RAB28: variants seen among roughly 807,000 people sequenced by gnomAD.
RAB28 encodes ras-related protein Rab-28.
Under a neutral mutation model 31.7 loss-of-function variants are expected in RAB28, and 24 were observed. The ratio of observed to expected loss-of-function variants is 0.76; its 90% confidence interval spans 0.55 to 1.06. RAB28 has a LOEUF of 1.06. Among genes scored for constraint, RAB28 ranks in the 50% least tolerant of loss-of-function variants. RAB28 has a pLI of 0.00. For synonymous variants in RAB28, 100 were observed against 90.4 expected, an observed-to-expected ratio of 1.11 and a Z score of -0.60; for missense variants, 254 against 258.5, an observed-to-expected ratio of 0.98 and a Z score of 0.12.
intron 4 of RAB28, among the ~76,000 whole-genome samples, chr4:13,443,994 T>C (rs1212468739): frequency 1.3e-5 from 2 of 151,998 alleles, no homozygotes; most frequent in East Asian, 1.9e-4. Flanking sequence ...AGTTCATCCA[T>C]GTTGTCAAAA....
rs79148759 is a variant in RAB28, at chr4:13,451,397, G to GT, written c.391+9301dup. ...AAATTGGATTAGGTTTTTGGGGTGGGTTTTTTTTTTTTTGGTTTTTGTCTT... is the reference window on the plus strand; with the variant it reads ...AAATTGGATTAGGTTTTTGGGGTGGGTTTTTTTTTTTTTTGGTTTTTGTCTT... On this transcript the variant is annotated intron_variant, in intron 4 of 6. Transcript: ENST00000330852. 4.1e-3 allele frequency among the ~76,000 whole-genome samples: 557 copies of GT among 135,840 alleles called. 1 individual carries two copies. The highest frequency in any genetic ancestry group is 7.5e-3 in the Middle Eastern group (2 of 266). 89.1% of individuals were successfully genotyped at this position (135,840 alleles called of 152,430 possible). A position where few individuals can be genotyped will look rare whatever the true frequency, so the allele number is the denominator to read the frequency against.
chr4:13,368,404 C>A lies in RAB28; in HGVS notation c.*154G>T. 7.9e-7 allele frequency: 1 copy of A among 1,264,076 alleles called. No homozygotes were observed. Among genetic ancestry groups the A allele is most frequent in the Non-Finnish European group, 1.0e-6 (1 of 1,003,476 alleles). The allele number at this position is 1,264,076 out of a possible 1,614,324, so 78.3% of individuals were successfully genotyped here. A position where few individuals can be genotyped will look rare whatever the true frequency, so the allele number is the denominator to read the frequency against. On this transcript the variant is annotated 3_prime_UTR_variant, in exon 7 of 7. Transcript: ENST00000330852. ...TCTTTCAAATCCAAGGAGCTGCCTG[C>A]CACTGTGAGGCAATAGCAATGATGA...
chr4:13,375,041 A>C (rs1397468462), intron 6 of RAB28, among the ~76,000 whole-genome samples: 1 of 152,032 alleles, frequency 6.6e-6, no homozygotes, highest in Admixed American at 6.6e-5. Flanking sequence ...CTCCTCTTTC[A>C]GCCATTTTCT....
At chr4:13,433,139 A>G (rs536566514) in intron 4 of RAB28, among the ~76,000 whole-genome samples, 257 of 146,420 alleles carry the variant, frequency 1.8e-3, no homozygotes, top group African/African-American at 6.1e-3. Context: ...CAAATGAAAG[A>G]AAAAAAAAAA....
chr4:13,471,507 T>C (rs1305076357), intron 3 of RAB28, among the ~76,000 whole-genome samples: 1 of 152,044 alleles, frequency 6.6e-6, no homozygotes, highest in African/African-American at 2.4e-5. Flanking sequence ...TCATCCTTTT[T>C]TTTTCTTCTT....
At chr4:13,393,568 C>A (rs1481261587) in intron 4 of RAB28, among the ~76,000 whole-genome samples, 1 of 152,118 alleles carries the variant, frequency 6.6e-6, no homozygotes, top group Non-Finnish European at 1.5e-5. Context: ...TCATTGACTA[C>A]ACGGACTGAA....
intron 4 of RAB28, 87 bp from the exon 5 acceptor site, chr4:13,381,681 ATAT>A: frequency 1.1e-6 from 1 of 931,524 alleles, no homozygotes; most frequent in Non-Finnish European, 1.6e-6. Context: ...TTGCTTTCCA[ATAT>A]TATATTCCAG....
chr4:13,465,921 A>C (rs143011327), intron 3 of RAB28, among the ~76,000 whole-genome samples: 129 of 151,952 alleles, frequency 8.5e-4, no homozygotes, highest in African/African-American at 2.9e-3. Flanking sequence ...TGAGCCATAC[A>C]TGTACAGTCA....
intron 4 of RAB28, among the ~76,000 whole-genome samples, chr4:13,427,814 G>A (rs1713592426): frequency 6.6e-6 from 1 of 152,144 alleles, no homozygotes; most frequent in African/African-American, 2.4e-5. Context: ...CTTTTGGAAT[G>A]GGGCTAAAGT....
intron 1 of RAB28, among the ~76,000 whole-genome samples, chr4:13,480,916 A>G (rs1184952169): frequency 1.3e-5 from 2 of 151,966 alleles, no homozygotes; most frequent in African/African-American, 4.8e-5. Context: ...TATCTAACTT[A>G]GACCACAAAA....
At chr4:13,388,192 T>C (rs1729463871) in intron 4 of RAB28, among the ~76,000 whole-genome samples, 1 of 151,962 alleles carries the variant, frequency 6.6e-6, no homozygotes, top group Non-Finnish European at 1.5e-5. Context: ...CCAAATAGAA[T>C]AGAAAGCCCA....
chr4:13,380,788 T>C (rs1299287108), intron 5 of RAB28, among the ~76,000 whole-genome samples: 1 of 152,042 alleles, frequency 6.6e-6, no homozygotes, highest in Non-Finnish European at 1.5e-5. Context: ...GACAAAATTT[T>C]ACATTAGAAC....
intron 3 of RAB28, among the ~76,000 whole-genome samples, chr4:13,461,900 A>G (rs11723185): frequency 0.073 from 11,045 of 152,214 alleles, 963 homozygotes; most frequent in African/African-American, 0.21. Context: ...TAATCCTCAC[A>G]CCAATCATGA....
intron 3 of RAB28, among the ~76,000 whole-genome samples, chr4:13,467,201 C>G (rs1715899759): frequency 6.6e-6 from 1 of 151,720 alleles, no homozygotes; most frequent in Admixed American, 6.6e-5. Flanking sequence ...GTTATAAGTA[C>G]TTGAGATAAT....
intron 3 of RAB28, among the ~76,000 whole-genome samples, chr4:13,473,210 C>T (rs1426632282): frequency 1.3e-5 from 2 of 152,052 alleles, no homozygotes; most frequent in East Asian, 3.9e-4. Context: ...GCTTAATATA[C>T]TATATCTCCA....
intron 6 of RAB28, among the ~76,000 whole-genome samples, chr4:13,373,675 A>T (rs1410695314): frequency 1.3e-5 from 2 of 152,162 alleles, no homozygotes; most frequent in Non-Finnish European, 2.9e-5. Flanking sequence ...TAACTCCCAA[A>T]TAGGAGCAAT....
intron 4 of RAB28, among the ~76,000 whole-genome samples, chr4:13,407,080 C>A (rs1215018436): frequency 6.6e-6 from 1 of 152,074 alleles, no homozygotes; most frequent in African/African-American, 2.4e-5. Context: ...AAGTCTTTGC[C>A]CAAGCCTATT....
chr4:13,373,279 A>G (rs1728784182), intron 6 of RAB28, among the ~76,000 whole-genome samples: 2 of 152,158 alleles, frequency 1.3e-5, no homozygotes, highest in Admixed American at 6.6e-5. Flanking sequence ...TTGCAAATAA[A>G]AAATCTGAAC....
At chr4:13,373,941 ATATG>A (rs566473086) in intron 6 of RAB28, among the ~76,000 whole-genome samples, 315 of 151,876 alleles carry the variant, frequency 2.1e-3, no homozygotes, top group African/African-American at 4.8e-3. Flanking sequence ...GTGTGTATAT[ATATG>A]TATGTATGTA....
Sources: allele counts gnomAD v4.1 joint callset (sites outside exome capture counted in the v4.1 genomes callset), GRCh38; gene constraint gnomAD v4.1.1; transcripts MANE v1.5; gene names NCBI Gene and HGNC (gene_info 2026-07-23, HGNC 2026-07-21).